The following ODR4 variants were observed in gnomAD, a reference collection of about 807,000 sequenced individuals.
ODR4 encodes protein odr-4 homolog.
A neutral mutation model predicts 60.2 loss-of-function variants in ODR4; 47 were observed. That is an observed-to-expected ratio of 0.78 (90% CI 0.62 to 1.00). The LOEUF (loss-of-function observed/expected upper bound fraction) is 1.00. Ranked by LOEUF, ODR4 falls within the 50% of genes least tolerant of loss-of-function variation. The pLI is 0.00. For missense variants in ODR4, 488 were observed against 530.8 expected, an observed-to-expected ratio of 0.92 and a Z score of 0.79; for synonymous variants, 178 against 175.5, an observed-to-expected ratio of 1.01 and a Z score of -0.11.
intron 11 of ODR4, chr1:186,401,533 C>T (rs1660950832): frequency 5.9e-6 from 1 of 168,608 alleles, no homozygotes; most frequent in Non-Finnish European, 1.3e-5. Context: ...TCCTTCCTTC[C>T]TCTCTTTCTC....
Position 186,379,813 on chromosome 1 carries a change from AC to A in ODR4, c.29del (p.Thr10MetfsTer9), listed in dbSNP as rs1184555732. On this transcript the variant is annotated frameshift_variant, in exon 2 of 14. Coordinates refer to ENST00000287859, the MANE Select transcript of ODR4 (RefSeq NM_017847.6). LOFTEE classifies it high-confidence loss of function. ...GGGAAGAACCTACATTGTAGAAGAG[AC>A]TGTTGGCCAGTATCTTTCAAACATA... is the stretch of plus-strand genomic sequence containing the variant. Reference protein sequence around the residue: MGRTYIVEETVGQYLSNINL... With the variant: MGRTYIVEEXVGQYLSNINL... 10 of 1,605,440 alleles carry A rather than the reference AC, an allele frequency of 6.2e-6. No individual in the cohort carries two copies. The highest frequency in any genetic ancestry group is 1.3e-5 in the African/African-American group (1 of 74,292).
the ODR4 span, among the ~76,000 whole-genome samples, chr1:186,427,201 A>G: frequency 6.6e-6 from 1 of 152,210 alleles, no homozygotes; most frequent in African/African-American, 2.4e-5. Flanking sequence ...CTTTTCATGA[A>G]AGATTTTTCT....
In ODR4 at chr1:186,392,860, C is replaced by T. The variant is rs542287978; in HGVS notation, c.711+1069C>T. Among the ~76,000 whole-genome samples, 9 of 152,008 alleles carry T rather than the reference C, an allele frequency of 5.9e-5. No individual in the cohort carries two copies. In the South Asian group the frequency reaches 1.5e-3, roughly 25 times the overall value. On this transcript the variant is annotated intron_variant, in intron 8 of 13. Coordinates refer to ENST00000287859, the MANE Select transcript of ODR4 (RefSeq NM_017847.6). ...TCTACTAAAAATAACAAAAATTAGCCGGGTGTGGTGGCAGGTGCCTGTAAG... is the reference window on the plus strand; with the variant it reads ...TCTACTAAAAATAACAAAAATTAGCTGGGTGTGGTGGCAGGTGCCTGTAAG...
intron 1 of ODR4, among the ~76,000 whole-genome samples, chr1:186,376,434 A>T (rs888996299): frequency 1.3e-5 from 2 of 152,192 alleles, no homozygotes; most frequent in African/African-American, 4.8e-5. Context: ...ACTCTTATGA[A>T]AGAATTTGTT....
At chr1:186,382,956 G>C (rs909703716) in intron 2 of ODR4, 66 bp from the exon 3 acceptor site, 8 of 1,468,206 alleles carry the variant, frequency 5.4e-6, no homozygotes, top group Non-Finnish European at 7.3e-6. Flanking sequence ...AGGAATTTAG[G>C]TATCACTCTA....
chr1:186,395,134 TC>T (rs896778792), intron 9 of ODR4, among the ~76,000 whole-genome samples: 32 of 152,186 alleles, frequency 2.1e-4, no homozygotes, highest in East Asian at 1.7e-3. Flanking sequence ...TCGCTCTGTC[TC>T]CCAGGCTGGA....
At position 186,391,749 on chromosome 1, in the gene ODR4, T is replaced by C. The variant is rs776897662; in HGVS notation, c.669T>C (p.Asn223=). ...KEIENGVYLI[N]GQVKDEDCDL... is the part of the protein sequence containing the mutation. ...TAGAAAATGGTGTTTATTTGATTAA[T>C]GGACAAGTTAAAGATGAAGATTGTG... The change falls in exon 8 of 14, where the codon AAT becomes AAC. Residue 223 remains asparagine (N), a synonymous_variant. Transcript: ENST00000287859. 1.9e-6 allele frequency: 3 copies of C among 1,605,014 alleles called. No homozygotes were observed. The highest frequency in any genetic ancestry group is 1.3e-5 in the African/African-American group (1 of 74,798).
the ODR4 span, among the ~76,000 whole-genome samples, chr1:186,428,720 A>C: frequency 2.0e-5 from 3 of 152,264 alleles, no homozygotes; most frequent in South Asian, 6.2e-4. Context: ...TCTTTCTTTC[A>C]CTTGGACACT....
At chr1:186,390,570 C>CT (rs1558069333) in intron 6 of ODR4, 141 bp from the exon 7 acceptor site, 1 of 813,450 alleles carries the variant, frequency 1.2e-6, no homozygotes, top group African/African-American at 1.7e-5. Context: ...AACCTATAGT[C>CT]TTTTGATCAA....
chr1:186,386,864 T>G (rs952051683), intron 4 of ODR4, among the ~76,000 whole-genome samples: 1 of 152,124 alleles, frequency 6.6e-6, no homozygotes, highest in African/African-American at 2.4e-5. Flanking sequence ...ATCAGAAATC[T>G]CCTGTGTTTT....
chr1:186,393,970 T>G lies in ODR4; in HGVS notation c.735T>G (p.Thr245=), dbSNP rs929200214. The change falls in exon 9 of 14, where the codon ACT becomes ACG. Residue 245 remains threonine (T), a synonymous_variant. Coordinates refer to ENST00000287859, the MANE Select transcript of ODR4 (RefSeq NM_017847.6). ...EGQKKSSRGN[T]QATSHSFDVR... is the part of the protein sequence containing the mutation. Reference sequence around the variant, plus strand: ...AGAAAAAATCTTCTAGAGGAAATACTCAAGCAACTAGTCATTCTTTTGATG... The same window carrying G: ...AGAAAAAATCTTCTAGAGGAAATACGCAAGCAACTAGTCATTCTTTTGATG... The G allele has an allele frequency of 5.9e-6, 9 of 1,523,716 alleles. No homozygotes were observed. Among genetic ancestry groups the G allele is most frequent in the Non-Finnish European group, 7.1e-6 (8 of 1,124,606 alleles). The allele number at this position is 1,523,716 out of a possible 1,614,324, so 94.4% of individuals were successfully genotyped here.
intron 11 of ODR4, chr1:186,400,704 C>CT (rs1660909855): frequency 1.3e-5 from 3 of 225,786 alleles, no homozygotes; most frequent in Non-Finnish European, 1.7e-5. Context: ...TAATTATAAT[C>CT]TTTTTTTTAT....
intron 11 of ODR4, among the ~76,000 whole-genome samples, chr1:186,402,096 T>G (rs1012011372): frequency 5.3e-5 from 8 of 152,028 alleles, no homozygotes; most frequent in Non-Finnish European, 8.8e-5. Flanking sequence ...TTTTTCTTCT[T>G]CCTTTCTTTC....
intron 11 of ODR4, among the ~76,000 whole-genome samples, chr1:186,399,696 T>A (rs1283085990): frequency 6.6e-6 from 1 of 152,082 alleles, no homozygotes; most frequent in African/African-American, 2.4e-5. Flanking sequence ...TTAGCCATAA[T>A]CAAAATATTA....
At chr1:186,394,224 A>G (rs934314425) in intron 9 of ODR4, among the ~76,000 whole-genome samples, 1 of 152,270 alleles carries the variant, frequency 6.6e-6, no homozygotes, top group Admixed American at 6.5e-5. Flanking sequence ...TAAAATTTTA[A>G]CATCAATAGA....
chr1:186,402,705 A>G (rs1661030903), intron 11 of ODR4, among the ~76,000 whole-genome samples: 1 of 152,104 alleles, frequency 6.6e-6, no homozygotes, highest in African/African-American at 2.4e-5. Flanking sequence ...TTCCTCCCTC[A>G]GCCTCCCAGG....
intron 11 of ODR4, among the ~76,000 whole-genome samples, chr1:186,400,279 C>T (rs527610214): frequency 4.4e-4 from 67 of 150,756 alleles, no homozygotes; most frequent in African/African-American, 1.4e-3. Context: ...CATGAGCCAC[C>T]GCGCCCGGCC....
chr1:186,408,543 T>G (rs1406058489), intron 12 of ODR4, among the ~76,000 whole-genome samples: 1 of 149,898 alleles, frequency 6.7e-6, no homozygotes, highest in African/African-American at 2.4e-5. Flanking sequence ...TATAAACATA[T>G]ACATACATAA....
At position 186,403,562 on chromosome 1, in the gene ODR4, A is replaced by G. The variant is rs567108068; in HGVS notation, c.1001-2521A>G. Among the ~76,000 whole-genome samples, 4 of 152,196 alleles carry G rather than the reference A, an allele frequency of 2.6e-5. No individual in the cohort carries two copies. In the South Asian group the frequency reaches 8.3e-4, roughly 32 times the overall value. On this transcript the variant is annotated intron_variant, in intron 11 of 13. Transcript: ENST00000287859. ...TTAGAGTATTTTTGCATGCATGAGG[A>G]AGTCTGTTAAGGACATAATAACTTT... is the stretch of plus-strand genomic sequence containing the variant.
Sources: allele counts gnomAD v4.1 joint callset (sites outside exome capture counted in the v4.1 genomes callset), GRCh38; gene constraint gnomAD v4.1.1; transcripts MANE v1.5; gene names NCBI Gene and HGNC (gene_info 2026-07-23, HGNC 2026-07-21).